The following MLXIP variants were observed in gnomAD, a reference collection of about 807,000 sequenced individuals.
MLXIP encodes MLX-interacting protein.
MLXIP carries 30 observed loss-of-function variants against 87.2 expected under a neutral mutation model. The ratio of observed to expected loss-of-function variants is 0.34; its 90% confidence interval spans 0.26 to 0.47. The LOEUF is 0.47. Ranked by LOEUF, MLXIP falls within the 20% of genes least tolerant of loss-of-function variation. The pLI is 1.00. For missense variants in MLXIP, 1,002 were observed against 1,240.1 expected (o/e 0.81, Z 2.88); for synonymous variants, 530 against 514.0 (o/e 1.03, Z -0.42).
chr12:122,138,601 G>A (rs1194189477), intron 14 of MLXIP, 50 bp downstream of exon 14: 1 of 1,574,316 alleles, frequency 6.4e-7, no homozygotes, highest in Admixed American at 1.9e-5. Flanking sequence ...TCCCGATGCA[G>A]GGCCTGCCTC....
intron 1 of MLXIP, among the ~76,000 whole-genome samples, chr12:122,081,402 C>G (rs1311383516): frequency 6.6e-6 from 1 of 152,082 alleles, no homozygotes; most frequent in African/African-American, 2.4e-5. Context: ...GGATGACAGA[C>G]AAATGACTCA....
chr12:122,140,977 G>GT lies in MLXIP; in HGVS notation c.2535dup (p.Glu846Ter). 1 of 1,614,044 alleles carries GT rather than the reference G, an allele frequency of 6.2e-7. No individual in the cohort carries two copies. The highest frequency in any genetic ancestry group is 1.1e-5 in the South Asian group (1 of 91,090). On this transcript the variant is annotated frameshift_variant, in exon 16 of 17. Coordinates refer to ENST00000319080, the MANE Select transcript of MLXIP (RefSeq NM_014938.6). LOFTEE classifies it high-confidence loss of function. ...AGTTCAGCATCATCATCAAGCCGCT[G>GT]TTTGAGTCGTTCAAGGGCATGGTGT...
At chr12:122,116,053 A>AACACACAC (rs138548664) in intron 1 of MLXIP, among the ~76,000 whole-genome samples, 199 of 147,336 alleles carry the variant, frequency 1.4e-3, no homozygotes, top group African/African-American at 4.7e-3. Context: ...TCCATCTGAA[A>AACACACAC]ACACACACAC....
chr12:122,134,074 A>G, intron 9 of MLXIP, 87 bp downstream of exon 9: 4 of 1,429,508 alleles, frequency 2.8e-6, no homozygotes, highest in Non-Finnish European at 3.7e-6. Flanking sequence ...ACTTGTGACC[A>G]CCACCACCAC....
At chr12:122,082,207 G>A (rs539309859) in intron 1 of MLXIP, among the ~76,000 whole-genome samples, 2 of 152,298 alleles carry the variant, frequency 1.3e-5, no homozygotes, top group East Asian at 1.9e-4. Context: ...GTAGGGAACC[G>A]TGCAGATGGG....
At chr12:122,141,590 C>T (rs865859197) in intron 16 of MLXIP, 101 bp from the exon 17 acceptor site, 123 of 1,530,270 alleles carry the variant, frequency 8.0e-5, no homozygotes, top group Middle Eastern at 1.8e-4. Flanking sequence ...CTGCTCGCCC[C>T]GTGCCTGAGC....
intron 1 of MLXIP, among the ~76,000 whole-genome samples, chr12:122,080,298 G>A (rs1008303331): frequency 6.6e-6 from 1 of 152,148 alleles, no homozygotes; most frequent in Non-Finnish European, 1.5e-5. Context: ...TGGACTAGCG[G>A]GGGCTGTCTT....
chr12:122,094,258 TTG>T (rs1952306898), intron 1 of MLXIP, among the ~76,000 whole-genome samples: 1 of 133,312 alleles, frequency 7.5e-6, no homozygotes, highest in Non-Finnish European at 1.6e-5. Flanking sequence ...GGTGTGTGTG[TTG>T]GTGTGTGGGT....
rs1450568390 is a variant in MLXIP, at chr12:122,140,973, C to T, written c.2528C>T (p.Pro843Leu). The T allele has an allele frequency of 6.2e-6, 10 of 1,613,878 alleles. No individual in the cohort carries two copies. Among genetic ancestry groups the T allele is most frequent in the Middle Eastern group, 1.6e-4 (1 of 6,084 alleles). The stretch of plus-strand genomic sequence containing the variant: ...CTGCAGTTCAGCATCATCATCAAGC[C>T]GCTGTTTGAGTCGTTCAAGGGCATG... ...KFWIFSIIIK[P>L]LFESFKGMVS... Residue 843 changes from proline (P) to leucine (L), a missense_variant, in exon 16 of 17, where the codon CCG becomes CTG. Pro to Leu is a moderately conservative substitution (Grantham distance 98). This residue lies in a region of MLXIP where 746 missense variants were observed against 897.0 expected (regional missense o/e 0.83). Coordinates refer to ENST00000319080, the MANE Select transcript of MLXIP (RefSeq NM_014938.6).
Position 122,130,129 on chromosome 12 carries a change from C to T in MLXIP, c.910+17C>T. On this transcript the variant is annotated intron_variant, in intron 6 of 16. Transcript: ENST00000319080. ...GGGAAATAGGTAACCCAAACCAGGG[C>T]CTTGGGCTTTGAACAGCCAGCCGCT... The T allele has an allele frequency of 6.2e-7, 1 of 1,607,452 alleles. No individual in the cohort carries two copies. Among genetic ancestry groups the T allele is most frequent in the East Asian group, 2.2e-5 (1 of 44,676 alleles).
intron 1 of MLXIP, among the ~76,000 whole-genome samples, chr12:122,115,425 T>G (rs1952675198): frequency 6.7e-6 from 1 of 150,238 alleles, no homozygotes; most frequent in Non-Finnish European, 1.5e-5. Context: ...CCGTCTCTAC[T>G]AAAAATACAA....
Position 122,145,433 on chromosome 12 carries a change from C to T in MLXIP, c.*3621C>T, listed in dbSNP as rs1953283901. ...TCTTAGAGGGCATGGCACCCCCAGT[C>T]CCTGCCCAGATAAAGTAGCACAGTG... On this transcript the variant is annotated 3_prime_UTR_variant, in exon 17 of 17. Coordinates refer to ENST00000319080, the MANE Select transcript of MLXIP (RefSeq NM_014938.6). 2 of 152,334 alleles carry T rather than the reference C, an allele frequency of 1.3e-5. No homozygotes were observed. The highest frequency in any genetic ancestry group is 4.8e-5 in the African/African-American group (2 of 41,470). 9.4% of individuals were successfully genotyped at this position (152,334 alleles called of 1,614,324 possible).
At chr12:122,140,926 T>C in intron 15 of MLXIP, 28 bp from the exon 16 acceptor site, 1 of 1,613,990 alleles carries the variant, frequency 6.2e-7, no homozygotes, top group Non-Finnish European at 8.5e-7. Context: ...CTCTCCGTGC[T>C]TGCCTTTTCT....
intron 1 of MLXIP, among the ~76,000 whole-genome samples, chr12:122,104,312 T>C (rs983600924): frequency 1.3e-5 from 2 of 152,318 alleles, no homozygotes; most frequent in East Asian, 3.9e-4. Flanking sequence ...AGGCATCCTC[T>C]CCTTCCCTAT....
intron 1 of MLXIP, among the ~76,000 whole-genome samples, chr12:122,086,853 G>C (rs1031705940): frequency 2.6e-5 from 4 of 152,112 alleles, no homozygotes; most frequent in Non-Finnish European, 5.9e-5. Flanking sequence ...TTCACTGTCC[G>C]GCCAGACGCC....
intron 15 of MLXIP, among the ~76,000 whole-genome samples, chr12:122,140,550 C>T (rs7962500): frequency 0.49 from 74,823 of 151,820 alleles, 18,909 homozygotes; most frequent in Admixed American, 0.56. Flanking sequence ...CACCTCAGCC[C>T]CCCAAAGTGC....
intron 1 of MLXIP, among the ~76,000 whole-genome samples, chr12:122,113,984 C>CT (rs141720091): frequency 0.42 from 45,669 of 108,636 alleles, 10,304 homozygotes; most frequent in Middle Eastern, 0.65. Flanking sequence ...TGCACCCGGC[C>CT]TTTTTTTTTT....
At chr12:122,079,290 A>G in intron 1 of MLXIP, 24 bp downstream of exon 1, 1 of 1,542,596 alleles carries the variant, frequency 6.5e-7, no homozygotes, top group Non-Finnish European at 8.8e-7. Flanking sequence ...CGACCCCCTG[A>G]GGCCCCGGCC....
chr12:122,113,747 C>A (rs924270485), intron 1 of MLXIP, among the ~76,000 whole-genome samples: 1 of 128,312 alleles, frequency 7.8e-6, no homozygotes, highest in Admixed American at 9.3e-5. Context: ...TACAGTGGTA[C>A]GATCTCAGCT....
Sources: gnomAD v4.1 joint callset for allele counts (sites outside exome capture counted in the v4.1 genomes callset) on GRCh38, gnomAD v4.1.1 for gene constraint, gnomAD v4.1.1 regional missense constraint, MANE v1.5 for transcripts, NCBI Gene and HGNC (gene_info 2026-07-23, HGNC 2026-07-21) for gene names.